Variants in TACC2 observed in about 807,000 individuals in gnomAD.
The protein encoded by TACC2 is transforming acidic coiled-coil-containing protein 2.
A neutral mutation model predicts 227.3 loss-of-function variants in TACC2; 137 were observed. The observed-to-expected ratio is 0.60, with a 90% CI of 0.52 to 0.69. The LOEUF is 0.69. Among genes scored for constraint, TACC2 ranks in the 30% least tolerant of loss-of-function variants. The probability of loss-of-function intolerance (pLI) is 0.00; values close to 1 mark genes in which losing one functional copy is unlikely to be tolerated. For synonymous variants in TACC2, 1,523 were observed against 1,487.5 expected, an observed-to-expected ratio of 1.02 and a Z score of -0.55; for missense variants, 3,470 against 3,694.4, an observed-to-expected ratio of 0.94 and a Z score of 1.57.
chr10:122,176,221 G>T (rs1387723497), intron 7 of TACC2, among the ~76,000 whole-genome samples: 1 of 150,622 alleles, frequency 6.6e-6, no homozygotes, highest in Non-Finnish European at 1.5e-5. Flanking sequence ...ATGAAGATTG[G>T]GTACCACTCA....
In TACC2 at chr10:122,195,162, C is replaced by T; in HGVS notation, c.5957C>T (p.Pro1986Leu). Residue 1986 changes from proline (P) to leucine (L), a missense_variant, in exon 8 of 23, where the codon CCC becomes CTC. Pro to Leu is a moderately conservative substitution (Grantham distance 98, BLOSUM62 -3). Transcript: ENST00000369005. The part of the protein sequence containing the change: ...IPEPEVSTQP[P>L]PEEPGCGSET... ...GAACCCGAGGTCAGCACACAGCCAC[C>T]CCCGGAAGAACCAGGTAACCAAGGG... is the stretch of plus-strand genomic sequence containing the variant. 6.2e-7 allele frequency: 1 copy of T among 1,610,820 alleles called. No homozygotes were observed. The highest frequency in any genetic ancestry group is 8.5e-7 in the Non-Finnish European group (1 of 1,177,852).
intron 2 of TACC2, among the ~76,000 whole-genome samples, chr10:122,030,997 C>T (rs10887053): frequency 0.15 from 22,965 of 152,062 alleles, 2,136 homozygotes; most frequent in Admixed American, 0.23. Context: ...CAGAAATCTG[C>T]GGGTCAGCCC....
At chr10:122,094,879 G>A (rs2081212043) in intron 5 of TACC2, among the ~76,000 whole-genome samples, 1 of 152,180 alleles carries the variant, frequency 6.6e-6, no homozygotes, top group African/African-American at 2.4e-5. Flanking sequence ...GCTCCTCTCT[G>A]AGAACTTCTC....
At position 122,196,242 on chromosome 10, in the gene TACC2, G is replaced by T. The variant is rs190798369; in HGVS notation, c.5971+1066G>T. ...GTGGAATTCTTTTTATCCGCCGTGGGTTCGAGCAGCCCGTTGTTTTGGAAA... is the reference window on the plus strand; with the variant it reads ...GTGGAATTCTTTTTATCCGCCGTGGTTTCGAGCAGCCCGTTGTTTTGGAAA... On this transcript the variant is annotated intron_variant, in intron 8 of 22. Transcript: ENST00000369005. Among the ~76,000 whole-genome samples, 21 of 152,324 alleles carry T rather than the reference G, an allele frequency of 1.4e-4. No homozygotes were observed. The East Asian group carries it at 3.7e-3, about 27-fold the overall frequency.
At chr10:122,131,915 G>A (rs1289663039) in intron 5 of TACC2, among the ~76,000 whole-genome samples, 2 of 152,036 alleles carry the variant, frequency 1.3e-5, no homozygotes, top group Non-Finnish European at 2.9e-5. Flanking sequence ...CCAGCCACTC[G>A]GGTGGCTGAG....
At chr10:122,122,712 A>C (rs939173323) in intron 5 of TACC2, among the ~76,000 whole-genome samples, 3 of 152,130 alleles carry the variant, frequency 2.0e-5, no homozygotes, top group Non-Finnish European at 4.4e-5. Flanking sequence ...CGCGGGTCCC[A>C]GTCCTGACTC....
intron 8 of TACC2, among the ~76,000 whole-genome samples, chr10:122,206,699 T>A (rs1020620315): frequency 4.6e-5 from 7 of 152,226 alleles, no homozygotes; most frequent in Non-Finnish European, 1.0e-4. Context: ...TTTCATCTGA[T>A]GAACTGCGGG....
chr10:122,027,934 G>A (rs370792492), intron 2 of TACC2, among the ~76,000 whole-genome samples: 4 of 151,616 alleles, frequency 2.6e-5, no homozygotes, highest in East Asian at 1.9e-4. Context: ...TAGTAGAGAC[G>A]GGGTTTCACC....
At chr10:122,017,083 C>CTG (rs34110924) in intron 1 of TACC2, among the ~76,000 whole-genome samples, 68,914 of 151,654 alleles carry the variant, frequency 0.45, 15,795 homozygotes, top group South Asian at 0.6. Context: ...GAGACAATAA[C>CTG]TTGCTGAAGC....
rs182555345 is a variant in TACC2, at chr10:122,146,601, G to A, written c.5834+2895G>A. 3.2e-3 allele frequency among the ~76,000 whole-genome samples: 490 copies of A among 152,186 alleles called. 4 individuals carry two copies. Among genetic ancestry groups the A allele is most frequent in the African/African-American group, 0.01 (435 of 41,548 alleles). On this transcript the variant is annotated intron_variant, in intron 7 of 22. Transcript: ENST00000369005. ...TTATAGGATACCCTGAACCACCTCT[G>A]TACTCTGCAGAGTCCCCACCAGCAA...
intron 16 of TACC2, among the ~76,000 whole-genome samples, chr10:122,232,561 CG>C (rs1184206718): frequency 6.6e-6 from 1 of 152,150 alleles, no homozygotes; most frequent in Admixed American, 6.5e-5. Context: ...ATTTCAGAGG[CG>C]TATGCTCAAA....
intron 3 of TACC2, among the ~76,000 whole-genome samples, chr10:122,056,506 A>G (rs1191894494): frequency 6.6e-6 from 1 of 152,198 alleles, no homozygotes; most frequent in African/African-American, 2.4e-5. Context: ...GTTCCCAGGT[A>G]TTAGTACTGC....
intron 3 of TACC2, chr10:122,052,838 C>G (rs1591493301): frequency 6.6e-6 from 1 of 152,234 alleles, no homozygotes; most frequent in African/African-American, 2.4e-5. Flanking sequence ...CGAGAAGGAA[C>G]AGGCCCTCCT....
chr10:122,127,891 T>C (rs1473274590), intron 5 of TACC2, among the ~76,000 whole-genome samples: 2 of 152,220 alleles, frequency 1.3e-5, no homozygotes, highest in Non-Finnish European at 2.9e-5. Flanking sequence ...TCTATACACA[T>C]ATGTGTTTAT....
In TACC2 at chr10:122,061,906, G is replaced by GT. The variant is rs1284672224; in HGVS notation, c.146+11357dup. Among the ~76,000 whole-genome samples the GT allele has an allele frequency of 2.6e-5, 4 of 151,780 alleles. No homozygotes were observed. In the East Asian group the frequency reaches 7.8e-4, roughly 29 times the overall value. On this transcript the variant is annotated intron_variant, in intron 3 of 22. Transcript: ENST00000369005. ...GCTAGGTCTTCAAAACTGAGTAGAA[G>GT]TAGAGGGTTATGGGGAAAAGACAGT... is the stretch of plus-strand genomic sequence containing the variant.
Position 122,211,625 on chromosome 10 carries a change from C to T in TACC2, c.7200C>T (p.Ile2400=). ...CTAAATCCCCAGCCTCCTTTGAGAT[C>T]CCAGCCAGTGCTATGGAAGCCAATG... is the stretch of plus-strand genomic sequence containing the variant. ...SPSKSPASFE[I]PASAMEANGV... is the part of the protein sequence containing the mutation. Residue 2400 remains isoleucine, a synonymous_variant, in exon 9 of 23, where the codon ATC becomes ATT. Coordinates refer to ENST00000369005, the MANE Select transcript of TACC2 (RefSeq NM_206862.4). The T allele has an allele frequency of 6.2e-7, 1 of 1,613,320 alleles. No homozygotes were observed.
At chr10:122,019,542 G>A (rs1466737162) in intron 1 of TACC2, among the ~76,000 whole-genome samples, 1 of 152,212 alleles carries the variant, frequency 6.6e-6, no homozygotes, top group African/African-American at 2.4e-5. Flanking sequence ...CAGATGGCAG[G>A]GGCCGCTTTA....
intron 13 of TACC2, among the ~76,000 whole-genome samples, chr10:122,227,069 G>A (rs1301821199): frequency 1.3e-5 from 2 of 152,160 alleles, no homozygotes; most frequent in Non-Finnish European, 2.9e-5. Context: ...AAGATTAAAG[G>A]AGGCTATCCG....
intron 5 of TACC2, among the ~76,000 whole-genome samples, chr10:122,096,189 A>T (rs533019333): frequency 5.9e-5 from 9 of 152,120 alleles, no homozygotes; most frequent in Non-Finnish European, 1.3e-4. Flanking sequence ...AGTAATGCGG[A>T]TCAGCAGGAG....
Sources: allele counts gnomAD v4.1 joint callset (sites outside exome capture counted in the v4.1 genomes callset), GRCh38; gene constraint gnomAD v4.1.1; transcripts MANE v1.5; gene names NCBI Gene and HGNC (gene_info 2026-07-23, HGNC 2026-07-21).